Variants in DNAH10 observed in about 807,000 individuals in gnomAD.
DNAH10 encodes axonemal beta dynein heavy chain 10.
In DNAH10, 348 loss-of-function variants were observed where a neutral mutation model predicts 506.6. The observed-to-expected ratio is 0.69, with a 90% CI of 0.63 to 0.75. The LOEUF is 0.75. Ranked by LOEUF, DNAH10 falls within the 30% of genes least tolerant of loss-of-function variation. The pLI, the probability that DNAH10 is intolerant of heterozygous loss-of-function variation, is 0.00. For missense variants in DNAH10, 5,179 were observed against 5,787.1 expected, an observed-to-expected ratio of 0.89 and a Z score of 3.41; for synonymous variants, 2,059 against 2,198.6, an observed-to-expected ratio of 0.94 and a Z score of 1.78.
At position 123,785,919 on chromosome 12, in the gene DNAH10, C is replaced by T. The variant is rs769355576; in HGVS notation, c.1404C>T (p.Asn468=). ...CTGAGAGAGTCTGCCGAGTGGTCAACCTGCGGACTTTGTTCAAGTAAGAAG... is the reference window on the plus strand; with the variant it reads ...CTGAGAGAGTCTGCCGAGTGGTCAATCTGCGGACTTTGTTCAAGTAAGAAG... ...EIAERVCRVV[N]LRTLFKENRA... The change falls in exon 9 of 79, where the codon AAC becomes AAT. Residue 468 remains asparagine, a synonymous_variant. Transcript: ENST00000673944. The surrounding 1 kb of genome is among the most constrained non-coding windows in gnomAD (Gnocchi z 4.1). The T allele has an allele frequency of 1.3e-5, 21 of 1,610,908 alleles. No homozygotes were observed. The highest frequency in any genetic ancestry group is 1.1e-5 in the South Asian group (1 of 91,006).
intron 19 of DNAH10, among the ~76,000 whole-genome samples, chr12:123,810,772 A>T (rs909854022): frequency 2.6e-5 from 4 of 152,198 alleles, no homozygotes; most frequent in Non-Finnish European, 5.9e-5. Context: ...TCTGTTACAT[A>T]AATTCTCTTA....
rs1340927206 is a variant in DNAH10, at chr12:123,783,107, G to A, written c.842G>A (p.Gly281Asp). The A allele has an allele frequency of 6.2e-7, 1 of 1,614,004 alleles. No individual in the cohort carries two copies. The highest frequency in any genetic ancestry group is 8.5e-7 in the Non-Finnish European group (1 of 1,179,924). The change falls in exon 7 of 79, where the codon GGT (glycine) becomes GAT (aspartate). Residue 281 changes from glycine (G) to aspartate (D), a missense_variant and splice_region_variant. Coordinates refer to ENST00000673944, the MANE Select transcript of DNAH10 (RefSeq NM_001372106.1). ...TGACTGATCACTTTTATTTTCCTAG[G>A]TGAGATCAAGTTAGAAATGCCAATC... ...NIQRTMQQLE[G>D]EIKLEMPIIS...
chr12:123,930,046 C>G (rs1217833583), intron 72 of DNAH10: 3 of 551,318 alleles, frequency 5.4e-6, no homozygotes, highest in Non-Finnish European at 9.6e-6. Flanking sequence ...GGAAGCATCC[C>G]CGGTGGTCTG....
At chr12:123,880,699 A>G (rs955547179) in intron 50 of DNAH10, among the ~76,000 whole-genome samples, 2 of 150,850 alleles carry the variant, frequency 1.3e-5, no homozygotes, top group Admixed American at 1.3e-4. Context: ...TGTGCACAAC[A>G]TGCAGGTTTG....
chr12:123,912,296 GGGGGGGTCTGTCCT>G (rs1425161270), intron 59 of DNAH10, among the ~76,000 whole-genome samples: 1 of 20,462 alleles, frequency 4.9e-5, no homozygotes, highest in African/African-American at 2.1e-4. Context: ...GTCTGTCCTG[GGGGGGGTCTGTCCT>G]GGGGGGTCTG....
intron 42 of DNAH10, 26 bp from the exon 43 acceptor site, chr12:123,867,876 TG>T: frequency 6.2e-7 from 1 of 1,602,062 alleles, no homozygotes; most frequent in Non-Finnish European, 8.5e-7. Context: ...CTATGTGGGC[TG>T]AACCAGATAT....
chr12:123,796,285 C>T (rs559783887), intron 12 of DNAH10, among the ~76,000 whole-genome samples: 5 of 152,218 alleles, frequency 3.3e-5, no homozygotes, highest in African/African-American at 4.8e-5. Flanking sequence ...GGGGAAACAC[C>T]ATTTCTACCA....
Position 123,867,529 on chromosome 12 carries a change from A to G in DNAH10, c.7230A>G (p.Ile2410Met). 1.9e-6 allele frequency: 3 copies of G among 1,614,004 alleles called. No homozygotes were observed. The highest frequency in any genetic ancestry group is 2.5e-6 in the Non-Finnish European group (3 of 1,179,882). The change falls in exon 42 of 79, where the codon ATA becomes ATG. Residue 2410 changes from isoleucine (I) to methionine (M), a missense_variant. By Grantham distance (10) the Ile-to-Met change is conservative (BLOSUM62 1). This residue lies in a region of DNAH10 where 4,844 missense variants were observed against 5,430.5 expected (regional missense o/e 0.89). Transcript: ENST00000673944. ...EKYVPYLMDV[I>M]VEGIVDGRQA... is the part of the protein sequence containing the mutation. ...ATGTGCCCTATCTCATGGATGTGAT[A>G]GTGGAAGGAATTGTGGATGGAAGAC...
At chr12:123,830,364 C>T (rs1960413523) in intron 25 of DNAH10, among the ~76,000 whole-genome samples, 182 bp from the exon 26 acceptor site, 1 of 152,208 alleles carries the variant, frequency 6.6e-6, no homozygotes, top group Non-Finnish European at 1.5e-5. Flanking sequence ...TCCGGTTTAA[C>T]TCTGGAGGCC....
chr12:123,923,977 C>A, intron 66 of DNAH10, 110 bp downstream of exon 66: 1 of 851,972 alleles, frequency 1.2e-6, no homozygotes, highest in South Asian at 1.8e-5. Flanking sequence ...TAAAACTTGG[C>A]TTCCAACAGC....
intron 52 of DNAH10, among the ~76,000 whole-genome samples, chr12:123,889,801 C>G (rs1220501110): frequency 6.6e-6 from 1 of 152,178 alleles, no homozygotes; most frequent in Admixed American, 6.5e-5. Flanking sequence ...GGGTTAAGAT[C>G]AGGGTGTTGG....
At chr12:123,798,872 G>A (rs1217802517) in intron 13 of DNAH10, among the ~76,000 whole-genome samples, 1 of 149,636 alleles carries the variant, frequency 6.7e-6, no homozygotes, top group Non-Finnish European at 1.5e-5. Context: ...TTGAAAGGCC[G>A]AGGTGGGCAG....
intron 36 of DNAH10, among the ~76,000 whole-genome samples, chr12:123,856,422 C>T (rs1205543285): frequency 6.6e-6 from 1 of 150,566 alleles, no homozygotes; most frequent in African/African-American, 2.4e-5. Flanking sequence ...CTGCAACCTC[C>T]ACCTCCTGGG....
chr12:123,783,875 T>G, intron 7 of DNAH10, 72 bp from the exon 8 acceptor site: 1 of 1,401,902 alleles, frequency 7.1e-7, no homozygotes, highest in Non-Finnish European at 1.0e-6. Context: ...GAACGGATGC[T>G]GGAGAAACCA....
intron 43 of DNAH10, among the ~76,000 whole-genome samples, chr12:123,869,744 A>C (rs1025390124): frequency 2.6e-5 from 4 of 151,742 alleles, no homozygotes; most frequent in South Asian, 4.2e-4. Context: ...ATCTGAGTTT[A>C]TCTCTCTCTC....
chr12:123,785,672 T>G lies in DNAH10; in HGVS notation c.1231-74T>G. On this transcript the variant is annotated intron_variant, in intron 8 of 78. Transcript: ENST00000673944. This position sits in a 1 kb window ranked among gnomAD's most constrained non-coding sequence, Gnocchi z 4.1. ...AAAAAAAAGAGTGAAACTTCTTGCA[T>G]GCTTACTGTTTTATGAAACTATTTG... 24 of 1,160,122 alleles carry G rather than the reference T, an allele frequency of 2.1e-5. No individual in the cohort carries two copies. Among genetic ancestry groups the G allele is most frequent in the African/African-American group, 3.1e-5 (2 of 63,874 alleles). The allele number at this position is 1,160,122 out of a possible 1,614,324, so 71.9% of individuals were successfully genotyped here.
intron 27 of DNAH10, among the ~76,000 whole-genome samples, chr12:123,834,978 G>A (rs552759901): frequency 1.1e-4 from 16 of 152,270 alleles, no homozygotes; most frequent in Admixed American, 2.0e-4. Flanking sequence ...CAGTGCTGCC[G>A]TCAGCATTCA....
In DNAH10 at chr12:123,871,475, C is replaced by T; in HGVS notation, c.7658C>T (p.Thr2553Ile). The change falls in exon 45 of 79, where the codon ACT becomes ATT. Residue 2553 changes from threonine (T) to isoleucine (I), a missense_variant. Transcript: ENST00000673944. ...ACTTTAGTTCACACAGTGGATACCA[C>T]TCGGACTACCTGGATATTGGAACAA... Reference protein sequence around the residue: ...INILVHTVDTTRTTWILEQMV... With the variant: ...INILVHTVDTIRTTWILEQMV... The T allele has an allele frequency of 6.3e-7, 1 of 1,584,152 alleles. No individual in the cohort carries two copies. The highest frequency in any genetic ancestry group is 8.6e-7 in the Non-Finnish European group (1 of 1,163,662).
At chr12:123,898,420 A>T (rs1230121719) in intron 55 of DNAH10, among the ~76,000 whole-genome samples, 1 of 152,210 alleles carries the variant, frequency 6.6e-6, no homozygotes, top group African/African-American at 2.4e-5. Flanking sequence ...ACTGCCGGAC[A>T]GGGCTTTTTA....
Sources: allele counts gnomAD v4.1 joint callset (sites outside exome capture counted in the v4.1 genomes callset), GRCh38; gene constraint gnomAD v4.1.1; regional missense constraint gnomAD v4.1.1; non-coding constraint Gnocchi (gnomAD v3.1); transcripts MANE v1.5; gene names NCBI Gene and HGNC (gene_info 2026-07-23, HGNC 2026-07-21).